The following BSDC1 variants were observed in gnomAD, a reference collection of about 807,000 sequenced individuals.
The protein encoded by BSDC1 is BSD domain-containing protein 1.
A neutral mutation model predicts 56.0 loss-of-function variants in BSDC1; 29 were observed. That is an observed-to-expected ratio of 0.52 (90% CI 0.39 to 0.71). The LOEUF is 0.71. BSDC1 is among the 30% of genes least tolerant of loss of function. The probability of loss-of-function intolerance (pLI) is 0.00; values close to 1 mark genes in which losing one functional copy is unlikely to be tolerated. For missense variants in BSDC1, 477 were observed against 548.5 expected, an observed-to-expected ratio of 0.87 and a Z score of 1.30; for synonymous variants, 210 against 215.3, an observed-to-expected ratio of 0.98 and a Z score of 0.21.
chr1:32,389,170 G>A lies in BSDC1; in HGVS notation c.73-2275C>T, dbSNP rs559584200. Among the ~76,000 whole-genome samples, 28 of 152,038 alleles carry A rather than the reference G, an allele frequency of 1.8e-4. 1 individual carries two copies. The South Asian group carries it at 5.2e-3, about 28-fold the overall frequency. ...GGGATTTCACTGTGTTAGCCAGGAT[G>A]GTCTCGATCTCCTGACCTCATGATT... is the stretch of plus-strand genomic sequence containing the variant. On this transcript the variant is annotated intron_variant, in intron 2 of 10. Transcript: ENST00000455895.
intron 3 of BSDC1, among the ~76,000 whole-genome samples, chr1:32,385,663 G>T (rs888536558): frequency 2.0e-5 from 3 of 152,008 alleles, no homozygotes; most frequent in Non-Finnish European, 4.4e-5. Flanking sequence ...GGAGGCAAAG[G>T]TTGCAATGAG....
Position 32,378,345 on chromosome 1 carries a change from AGCCTTAT to A in BSDC1, c.529-69_529-63del. 1 of 1,510,236 alleles carries A rather than the reference AGCCTTAT, an allele frequency of 6.6e-7. No homozygotes were observed. Among genetic ancestry groups the A allele is most frequent in the Non-Finnish European group, 9.2e-7 (1 of 1,087,338 alleles). The allele number at this position is 1,510,236 out of a possible 1,614,324, so 93.6% of individuals were successfully genotyped here. Reference sequence around the variant, plus strand: ...GTGTTTGTGTGGGGTCTGTGTCCCCAGCCTTATCAGTCTATTCCCAGCCAGTCTGGAT... The same window carrying A: ...GTGTTTGTGTGGGGTCTGTGTCCCCACAGTCTATTCCCAGCCAGTCTGGAT... On this transcript the variant is annotated intron_variant, in intron 6 of 10. Coordinates refer to ENST00000455895, the MANE Select transcript of BSDC1 (RefSeq NM_018045.8). This position sits in a 1 kb window ranked among gnomAD's most constrained non-coding sequence, Gnocchi z 5.2.
intron 2 of BSDC1, 140 bp from the exon 3 acceptor site, chr1:32,387,035 T>G: frequency 1.5e-6 from 1 of 663,040 alleles, no homozygotes; most frequent in African/African-American, 1.8e-5. Context: ...CAATGCTCAT[T>G]TGTCCCAATT....
intron 2 of BSDC1, 109 bp from the exon 3 acceptor site, chr1:32,387,004 A>C: frequency 2.4e-6 from 2 of 833,728 alleles, no homozygotes; most frequent in Non-Finnish European, 3.9e-6. Context: ...CTCCAGCGGC[A>C]GGGGAGCTTC....
At chr1:32,372,179 A>AAG (rs1642116797) in intron 9 of BSDC1, among the ~76,000 whole-genome samples, 2 of 152,368 alleles carry the variant, frequency 1.3e-5, no homozygotes, top group South Asian at 4.1e-4. Context: ...GCCTTGTCTC[A>AAG]GAGTTATGTC....
intron 3 of BSDC1, 181 bp from the exon 4 acceptor site, chr1:32,384,178 A>T: frequency 1.4e-6 from 1 of 740,600 alleles, no homozygotes; most frequent in Non-Finnish European, 2.2e-6. Context: ...CCATCCCCCA[A>T]GTGGGGCTGC....
intron 2 of BSDC1, among the ~76,000 whole-genome samples, chr1:32,388,820 A>C (rs978986096): frequency 7.2e-5 from 11 of 152,166 alleles, no homozygotes; most frequent in Non-Finnish European, 1.5e-4. Flanking sequence ...CAAGTCTGTA[A>C]ACACGATGAA....
intron 9 of BSDC1, among the ~76,000 whole-genome samples, chr1:32,371,467 C>T (rs1275956604): frequency 3.9e-5 from 6 of 151,982 alleles, no homozygotes; most frequent in Admixed American, 2.0e-4. Context: ...CCCGCCACCA[C>T]GCCCGGCTAA....
rs779097844 is a variant in BSDC1 at position 32,376,545 on chromosome 1, G to C, written c.873C>G (p.Asn291Lys). Residue 291 changes from asparagine (N) to lysine (K), a missense_variant, in exon 9 of 11, where the codon AAC becomes AAG. Coordinates refer to ENST00000455895, the MANE Select transcript of BSDC1 (RefSeq NM_018045.8). ...CTCGTGCCTCAGGTGCAGTGGCCGG[G>C]TTGGCGATCTGTGTCACGAGGGAGA... Reference protein sequence around the residue: ...ESISLVTQIANPATAPEARVL... With the variant: ...ESISLVTQIAKPATAPEARVL... 5.8e-6 allele frequency: 9 copies of C among 1,557,864 alleles called. No homozygotes were observed. In the Admixed American group the frequency reaches 7.1e-5, roughly 12 times the overall value.
chr1:32,367,206 A>G, intron 10 of BSDC1: 3 of 985,524 alleles, frequency 3.0e-6, no homozygotes, highest in Non-Finnish European at 3.6e-6. Context: ...TCCCAGCTCA[A>G]GTCTCCCCAC....
At chr1:32,384,106 G>A (rs1570151901) in intron 3 of BSDC1, 109 bp from the exon 4 acceptor site, 2 of 1,506,014 alleles carry the variant, frequency 1.3e-6, no homozygotes, top group Non-Finnish European at 1.8e-6. Flanking sequence ...GGGGACCAGG[G>A]AAGCGCTCAC....
chr1:32,390,568 A>C (rs1642830679), intron 2 of BSDC1, among the ~76,000 whole-genome samples: 1 of 152,188 alleles, frequency 6.6e-6, no homozygotes, highest in South Asian at 2.1e-4. Flanking sequence ...GCAGAACTTG[A>C]GATGACTGTG....
Position 32,378,918 on chromosome 1 carries a change from TG to T in BSDC1, c.413-80del. The T allele has an allele frequency of 1.0e-6, 1 of 980,836 alleles. No individual in the cohort carries two copies. The highest frequency in any genetic ancestry group is 1.4e-6 in the Non-Finnish European group (1 of 711,442). 60.8% of individuals were successfully genotyped at this position (980,836 alleles called of 1,614,324 possible). On this transcript the variant is annotated intron_variant, in intron 5 of 10. Coordinates refer to ENST00000455895, the MANE Select transcript of BSDC1 (RefSeq NM_018045.8). This position sits in a 1 kb window ranked among gnomAD's most constrained non-coding sequence, Gnocchi z 5.2. ...TGGGCTTACAGAACATATCTAAGGC[TG>T]GACATGGAAAATGAAGAAAGCTTGT...
rs1642975483 is a variant in BSDC1, at chr1:32,394,276, T to C, written c.11+128A>G. 3 of 1,558,228 alleles carry C rather than the reference T, an allele frequency of 1.9e-6. No homozygotes were observed. The Admixed American group carries it at 5.1e-5, about 26-fold the overall frequency. ...CTTGCCCACCCCCTCACAATGCGACTCCACTCTGCCCTTTCAGATCAGTCC... is the reference window on the plus strand; with the variant it reads ...CTTGCCCACCCCCTCACAATGCGACCCCACTCTGCCCTTTCAGATCAGTCC... On this transcript the variant is annotated intron_variant, in intron 1 of 10. Coordinates refer to ENST00000455895, the MANE Select transcript of BSDC1 (RefSeq NM_018045.8).
intron 2 of BSDC1, among the ~76,000 whole-genome samples, chr1:32,390,667 T>C (rs1176632672): frequency 6.6e-6 from 1 of 152,076 alleles, no homozygotes; most frequent in Non-Finnish European, 1.5e-5. Flanking sequence ...TCCCAGCACT[T>C]TGGGAGACCA....
chr1:32,381,387 AC>A (rs1345619680), intron 4 of BSDC1, 119 bp from the exon 5 acceptor site: 5 of 970,532 alleles, frequency 5.2e-6, no homozygotes, highest in Admixed American at 4.0e-5. Context: ...TGGCTGGGAT[AC>A]CCCCAGGGCA....
intron 9 of BSDC1, among the ~76,000 whole-genome samples, chr1:32,370,194 TCTCAAA>T (rs1213974028): frequency 6.6e-6 from 1 of 152,156 alleles, no homozygotes; most frequent in East Asian, 1.9e-4. Context: ...GCCAGGCTGG[TCTCAAA>T]CTCCTGACCT....
In BSDC1 at chr1:32,364,889, G is replaced by C. The variant is rs962856745; in HGVS notation, c.*1733C>G. 2.0e-5 allele frequency among the ~76,000 whole-genome samples: 3 copies of C among 152,256 alleles called. No homozygotes were observed. The highest frequency in any genetic ancestry group is 1.3e-4 in the Admixed American group (2 of 15,284). On this transcript the variant is annotated 3_prime_UTR_variant, in exon 11 of 11. Transcript: ENST00000455895. ...GGAAAGCAGAGGCACTGGGAGTGCA[G>C]AGATGGCCTCCCGACTCCTTGTCCC...
intron 9 of BSDC1, among the ~76,000 whole-genome samples, chr1:32,372,566 G>A (rs190376619): frequency 5.8e-4 from 89 of 152,316 alleles, no homozygotes; most frequent in African/African-American, 2.1e-3. Context: ...TTCAGGTGGT[G>A]CAGGGAGCTG....
Sources: allele counts gnomAD v4.1 joint callset (sites outside exome capture counted in the v4.1 genomes callset), GRCh38; gene constraint gnomAD v4.1.1; non-coding constraint Gnocchi (gnomAD v3.1); transcripts MANE v1.5; gene names NCBI Gene and HGNC (gene_info 2026-07-23, HGNC 2026-07-21).